The following FADS2 variants were observed in gnomAD, a reference collection of about 807,000 sequenced individuals.
The protein encoded by FADS2 is acyl-CoA 6-desaturase.
FADS2 carries 18 observed loss-of-function variants against 61.2 expected under a neutral mutation model. The observed-to-expected ratio is 0.29, with a 90% CI of 0.20 to 0.44. The LOEUF (loss-of-function observed/expected upper bound fraction) is 0.44, where lower values mean the gene tolerates loss of function less well. Ranked by LOEUF, FADS2 falls within the 20% of genes least tolerant of loss-of-function variation. FADS2 has a pLI of 1.00. For synonymous variants in FADS2, 203 were observed against 223.9 expected (o/e 0.91, Z 0.83); for missense variants, 322 against 572.7 (o/e 0.56, Z 4.47).
Position 61,861,151 on chromosome 11 carries a change from G to A in FADS2, c.883-1821G>A, listed in dbSNP as rs192022703. On this transcript the variant is annotated intron_variant, in intron 7 of 11. Transcript: ENST00000278840. ...AGGCGGATCACAAGGTCAGGAGATC[G>A]AGACCATCCTGGCGAACACGGTGAA... 1.5e-4 allele frequency among the ~76,000 whole-genome samples: 23 copies of A among 151,862 alleles called. No homozygotes were observed. The East Asian group carries it at 2.1e-3, about 14-fold the overall frequency.
At chr11:61,852,705 T>C (rs1395938534) in intron 5 of FADS2, among the ~76,000 whole-genome samples, 1 of 152,216 alleles carries the variant, frequency 6.6e-6, no homozygotes, top group Admixed American at 6.5e-5. Context: ...ATTTTCTTTT[T>C]TTTCTAAATT....
chr11:61,840,378 G>A lies in FADS2; in HGVS notation c.363G>A (p.Glu121=). Residue 121 remains glutamate (E), a synonymous_variant, in exon 3 of 12, where the codon GAG becomes GAA. Coordinates refer to ENST00000278840, the MANE Select transcript of FADS2 (RefSeq NM_004265.4). ...EDFRALRKTA[E]DMNLFKTNHV... ...TCCGGGCCCTGAGGAAGACGGCTGA[G>A]GACATGAACCTGTTCAAGACCAACC... 6.2e-7 allele frequency: 1 copy of A among 1,614,202 alleles called. No homozygotes were observed. Among genetic ancestry groups the A allele is most frequent in the Non-Finnish European group, 8.5e-7 (1 of 1,180,024 alleles).
rs558348802 is a variant in FADS2, at chr11:61,850,109, TC to T, written c.744+1832del. Reference sequence around the variant, plus strand: ...CCACCTCTGCGAATGTGGATGCCCTTCCCCCCCAGTTCATGTAGACAGGTCT... The same window carrying T: ...CCACCTCTGCGAATGTGGATGCCCTTCCCCCCAGTTCATGTAGACAGGTCT... On this transcript the variant is annotated intron_variant, in intron 5 of 11. Coordinates refer to ENST00000278840, the MANE Select transcript of FADS2 (RefSeq NM_004265.4). Among the ~76,000 whole-genome samples, 869 of 152,110 alleles carry T rather than the reference TC, an allele frequency of 5.7e-3. 12 individuals carry two copies. The highest frequency in any genetic ancestry group is 0.02 in the African/African-American group (822 of 41,508).
chr11:61,867,133 G>C lies in FADS2; in HGVS notation c.*1444G>C, dbSNP rs1421369690. 1 of 152,198 alleles carries C rather than the reference G, an allele frequency of 6.6e-6. No homozygotes were observed. Among genetic ancestry groups the C allele is most frequent in the Non-Finnish European group, 1.5e-5 (1 of 68,064 alleles). The allele number at this position is 152,198 out of a possible 1,614,324, so 9.4% of individuals were successfully genotyped here. A position where few individuals can be genotyped will look rare whatever the true frequency, so the allele number is the denominator to read the frequency against. On this transcript the variant is annotated 3_prime_UTR_variant, in exon 12 of 12. Transcript: ENST00000278840. ...GGGCAGGCACCAACAACTCAGAATGGGGGCTTTCGGGGAGGGCGCCTAGTC... is the reference window on the plus strand; with the variant it reads ...GGGCAGGCACCAACAACTCAGAATGCGGGCTTTCGGGGAGGGCGCCTAGTC...
Position 61,853,783 on chromosome 11 carries a change from C to T in FADS2, c.745-3228C>T, listed in dbSNP as rs563984003. Among the ~76,000 whole-genome samples the T allele has an allele frequency of 3.8e-4, 58 of 152,304 alleles. 1 individual carries two copies. The South Asian group carries it at 8.5e-3, about 22-fold the overall frequency. ...GCTGGGGAGGTCGTGCCGCCTGTTT[C>T]TCTCTGTGTGTGAGTTTGCAGGTTC... On this transcript the variant is annotated intron_variant, in intron 5 of 11. Coordinates refer to ENST00000278840, the MANE Select transcript of FADS2 (RefSeq NM_004265.4).
In FADS2 at chr11:61,865,950, A is replaced by G; in HGVS notation, c.*261A>G. The stretch of plus-strand genomic sequence containing the variant: ...CAGTGCCTCCTAGCCCCTTCTTCCA[A>G]GGAGCAGAGAGGTGGCCACCGGGGG... On this transcript the variant is annotated 3_prime_UTR_variant, in exon 12 of 12. Transcript: ENST00000278840. This position sits in a 1 kb window ranked among gnomAD's most constrained non-coding sequence, Gnocchi z 4.1. 1.9e-6 allele frequency: 1 copy of G among 517,864 alleles called. No homozygotes were observed. The allele number at this position is 517,864 out of a possible 1,614,324, so 32.1% of individuals were successfully genotyped here. A position where few individuals can be genotyped will look rare whatever the true frequency, so the allele number is the denominator to read the frequency against.
At position 61,843,690 on chromosome 11, in the gene FADS2, C is replaced by G. The variant is rs552411108; in HGVS notation, c.618+2965C>G. On this transcript the variant is annotated intron_variant, in intron 4 of 11. Transcript: ENST00000278840. ...TTTTGTTTTTTGAGATGGAGTTTCA[C>G]TCTTGTCGCCCAGGCTGGAGTGCAA... Among the ~76,000 whole-genome samples the G allele has an allele frequency of 3.9e-5, 6 of 152,298 alleles. No homozygotes were observed. In the East Asian group the frequency reaches 9.6e-4, roughly 24 times the overall value.
chr11:61,857,364 C>T, intron 6 of FADS2, 90 bp from the exon 7 acceptor site: 1 of 1,217,256 alleles, frequency 8.2e-7, no homozygotes, highest in African/African-American at 1.5e-5. Context: ...GGGCTGGCCC[C>T]TGCACTCAGT....
At chr11:61,822,249 G>A (rs2067041253) in intron 1 of FADS2, among the ~76,000 whole-genome samples, 2 of 152,188 alleles carry the variant, frequency 1.3e-5, no homozygotes, top group African/African-American at 2.4e-5. Flanking sequence ...GATTACAGGC[G>A]TGAGCCACCG....
At chr11:61,857,388 T>A (rs1008111425) in intron 6 of FADS2, 66 bp from the exon 7 acceptor site, 7 of 1,448,210 alleles carry the variant, frequency 4.8e-6, no homozygotes, top group Non-Finnish European at 4.8e-6. Flanking sequence ...GGGCCTGGGT[T>A]CCCCTGACCT....
At chr11:61,829,628 AG>A (rs1215913668) in intron 1 of FADS2, among the ~76,000 whole-genome samples, 2 of 152,200 alleles carry the variant, frequency 1.3e-5, no homozygotes, top group African/African-American at 2.4e-5. Flanking sequence ...GAGGGAAGAA[AG>A]GGCGGCTTTT....
chr11:61,826,344 C>T (rs174568), upstream of FADS2: 228,939 of 702,380 alleles, frequency 0.33, 43,527 homozygotes, highest in Admixed American at 0.59. Context: ...GGCCGGTCCA[C>T]GCTTCTCAGC....
intron 4 of FADS2, 89 bp from the exon 5 acceptor site, chr11:61,848,070 C>T (rs7935946): frequency 0.058 from 89,063 of 1,545,784 alleles, 4,309 homozygotes; most frequent in African/African-American, 0.25. Context: ...TTGAAGGTTC[C>T]GGGAACTGCT....
chr11:61,824,996 T>C (rs1444957196), upstream of FADS2, among the ~76,000 whole-genome samples: 1 of 150,322 alleles, frequency 6.7e-6, no homozygotes, highest in African/African-American at 2.4e-5. Context: ...ATCGAGACCA[T>C]CATGGCCAAC....
At chr11:61,821,019 C>T (rs2067032898) in intron 1 of FADS2, among the ~76,000 whole-genome samples, 1 of 152,200 alleles carries the variant, frequency 6.6e-6, no homozygotes, top group Non-Finnish European at 1.5e-5. Context: ...CATCTCCTTA[C>T]CCACCTACAC....
chr11:61,824,142 G>T (rs533109234), upstream of FADS2, among the ~76,000 whole-genome samples: 10 of 152,036 alleles, frequency 6.6e-5, no homozygotes, highest in Non-Finnish European at 1.2e-4. Flanking sequence ...AGCACTTTGG[G>T]AGGCCGAGGT....
chr11:61,828,490 G>A lies in FADS2; in HGVS notation c.100G>A (p.Asp34Asn). ...GATTCAGAAGCATAACCTGCGCACC[G>A]ACAGGTGGCTGGTCATTGACCGCAA... ...EEIQKHNLRTDRWLVIDRKVY... is the reference protein window; with the variant it reads ...EEIQKHNLRTNRWLVIDRKVY... Residue 34 changes from aspartate (D) to asparagine (N), a missense_variant, in exon 1 of 12, where the codon GAC becomes AAC. Asp to Asn is a conservative substitution (Grantham distance 23). This residue lies in a region of FADS2 where 61 missense variants were observed against 107.4 expected (regional missense o/e 0.57). Transcript: ENST00000278840. This position sits in a 1 kb window ranked among gnomAD's most constrained non-coding sequence, Gnocchi z 6.4. 6.2e-7 allele frequency: 1 copy of A among 1,613,044 alleles called. No individual in the cohort carries two copies. The highest frequency in any genetic ancestry group is 8.5e-7 in the Non-Finnish European group (1 of 1,179,796).
rs752876685 is a variant in FADS2, at chr11:61,847,843, G to T, written c.619-316G>T. The T allele has an allele frequency of 8.7e-6, 3 of 345,044 alleles. No homozygotes were observed. In the Admixed American group the frequency reaches 1.2e-4, roughly 13 times the overall value. The allele number at this position is 345,044 out of a possible 1,614,324, so 21.4% of individuals were successfully genotyped here. A position where few individuals can be genotyped will look rare whatever the true frequency, so the allele number is the denominator to read the frequency against. On this transcript the variant is annotated intron_variant, in intron 4 of 11. Transcript: ENST00000278840. ...CAGCTCTGGTTCCACACCTGGTGAC[G>T]GAGAGGCAGAGACTGGCTGCCACAC...
intron 4 of FADS2, chr11:61,847,719 G>A (rs546408643): frequency 5.3e-5 from 10 of 189,730 alleles, no homozygotes; most frequent in African/African-American, 2.3e-4. Context: ...GTGTGGACAT[G>A]TTTTCATTTC....
Sources: allele counts gnomAD v4.1 joint callset (sites outside exome capture counted in the v4.1 genomes callset), GRCh38; gene constraint gnomAD v4.1.1; regional missense constraint gnomAD v4.1.1; non-coding constraint Gnocchi (gnomAD v3.1); transcripts MANE v1.5; gene names NCBI Gene and HGNC (gene_info 2026-07-23, HGNC 2026-07-21).